The following MTMR6 variants were observed in gnomAD, a reference collection of about 807,000 sequenced individuals.
MTMR6 encodes the protein phosphatidylinositol-3,5-bisphosphate 3-phosphatase MTMR6.
A neutral mutation model predicts 80.1 loss-of-function variants in MTMR6; 47 were observed. The ratio of observed to expected loss-of-function variants is 0.59; its 90% CI spans 0.46 to 0.75. The LOEUF is 0.75. MTMR6 is among the 30% of genes least tolerant of loss of function. MTMR6 has a pLI of 0.00. For synonymous variants in MTMR6, 254 were observed against 253.0 expected (o/e 1.00, Z -0.04); for missense variants, 629 against 730.9 (o/e 0.86, Z 1.61).
chr13:25,274,243 T>C (rs1957654549), intron 1 of MTMR6, 56 bp from the exon 2 acceptor site: 3 of 1,242,734 alleles, frequency 2.4e-6, no homozygotes, highest in Non-Finnish European at 3.4e-6. Context: ...ATTATTTTTC[T>C]GTTAGCCCAG....
chr13:25,263,023 C>T (rs1475119223), intron 5 of MTMR6, among the ~76,000 whole-genome samples: 3 of 152,162 alleles, frequency 2.0e-5, no homozygotes, highest in African/African-American at 7.2e-5. Flanking sequence ...ACCCCTTTGC[C>T]TCTGCTCCTT....
intron 5 of MTMR6, among the ~76,000 whole-genome samples, chr13:25,264,287 G>A (rs2137561139): frequency 6.6e-6 from 1 of 151,770 alleles, no homozygotes; most frequent in South Asian, 2.1e-4. Flanking sequence ...AAAAATAAAG[G>A]AGAAAGTTTT....
intron 2 of MTMR6, among the ~76,000 whole-genome samples, chr13:25,271,495 T>C (rs1012960658): frequency 6.6e-6 from 1 of 152,174 alleles, no homozygotes; most frequent in African/African-American, 2.4e-5. Flanking sequence ...AATGAATGAA[T>C]TGCCACTTGC....
At chr13:25,283,683 C>G (rs1163052732) in intron 1 of MTMR6, among the ~76,000 whole-genome samples, 1 of 152,120 alleles carries the variant, frequency 6.6e-6, no homozygotes, top group Non-Finnish European at 1.5e-5. Flanking sequence ...AGCAATCAGC[C>G]TTTCATTTAT....
chr13:25,271,624 A>G (rs1015425932), intron 2 of MTMR6, among the ~76,000 whole-genome samples: 1 of 152,092 alleles, frequency 6.6e-6, no homozygotes, highest in Non-Finnish European at 1.5e-5. Flanking sequence ...CCATATTCTA[A>G]CCACCTTTCC....
intron 6 of MTMR6, among the ~76,000 whole-genome samples, chr13:25,259,510 A>G (rs1461697548): frequency 6.6e-6 from 1 of 152,242 alleles, no homozygotes; most frequent in Non-Finnish European, 1.5e-5. Flanking sequence ...TAACAAGTAC[A>G]GTTAAATTGT....
At chr13:25,275,927 G>C (rs1266326640) in intron 1 of MTMR6, among the ~76,000 whole-genome samples, 1 of 149,320 alleles carries the variant, frequency 6.7e-6, no homozygotes, top group Non-Finnish European at 1.5e-5. Flanking sequence ...GGAGGGGAGA[G>C]GAAGGCTTTC....
intron 9 of MTMR6, 111 bp downstream of exon 9, chr13:25,257,085 C>T (rs1957225506): frequency 6.9e-6 from 8 of 1,157,416 alleles, no homozygotes; most frequent in Non-Finnish European, 9.6e-6. Flanking sequence ...GGATGCCAGT[C>T]TCATCATTTC....
chr13:25,271,691 TTGG>T (rs1957579646), intron 2 of MTMR6, among the ~76,000 whole-genome samples: 1 of 152,228 alleles, frequency 6.6e-6, no homozygotes, highest in African/African-American at 2.4e-5. Flanking sequence ...TACCTACTTA[TTGG>T]TGATGTTATC....
chr13:25,257,235 A>T lies in MTMR6; in HGVS notation c.1056T>A (p.Leu352=). The change falls in exon 9 of 14, where the codon CTT becomes CTA. Residue 352 remains leucine (L), a synonymous_variant. Transcript: ENST00000381801. ...TTGTCCTGTAGTAGGAATCCAATAA[A>T]AGAGAACCCAGGGAACAAACCTGGG... The part of the protein sequence containing the change: ...RTSQVCSLGS[L]LLDSYYRTIK... 3.1e-6 allele frequency: 5 copies of T among 1,613,942 alleles called. No homozygotes were observed. Among genetic ancestry groups the T allele is most frequent in the Non-Finnish European group, 4.2e-6 (5 of 1,179,890 alleles).
intron 1 of MTMR6, among the ~76,000 whole-genome samples, chr13:25,284,148 G>A (rs887375560): frequency 3.3e-5 from 5 of 152,040 alleles, no homozygotes; most frequent in Admixed American, 3.3e-4. Flanking sequence ...AAGAGGTTTG[G>A]GGGGGAAGCT....
chr13:25,270,495 T>C (rs895694579), intron 2 of MTMR6, among the ~76,000 whole-genome samples: 1 of 152,170 alleles, frequency 6.6e-6, no homozygotes, highest in Non-Finnish European at 1.5e-5. Flanking sequence ...GCTGAGGGAA[T>C]AGCTATACGG....
chr13:25,258,525 G>T, intron 7 of MTMR6, 35 bp downstream of exon 7: 1 of 1,545,796 alleles, frequency 6.5e-7, no homozygotes. Flanking sequence ...ATTTCTTTTG[G>T]ACAAGGGTGT....
rs374109646 is a variant in MTMR6 at position 25,287,474 on chromosome 13, A to G, written c.-227T>C. On this transcript the variant is annotated 5_prime_UTR_variant, in exon 1 of 14. Transcript: ENST00000381801. Reference sequence around the variant, plus strand: ...GCCTCCCGGGGGACTCGGGGCAGGCAGACAGAGCGTGTGTGGACCGAGAGC... The same window carrying G: ...GCCTCCCGGGGGACTCGGGGCAGGCGGACAGAGCGTGTGTGGACCGAGAGC... The G allele has an allele frequency of 3.4e-6, 2 of 593,314 alleles. No individual in the cohort carries two copies. Among genetic ancestry groups the G allele is most frequent in the Admixed American group, 2.7e-5 (1 of 36,624 alleles). The allele number at this position is 593,314 out of a possible 1,614,324, so 36.8% of individuals were successfully genotyped here. A position where few individuals can be genotyped will look rare whatever the true frequency, so the allele number is the denominator to read the frequency against.
chr13:25,267,921 G>C lies in MTMR6; in HGVS notation c.162C>G (p.Ala54=), dbSNP rs1957493673. 1.2e-6 allele frequency: 2 copies of C among 1,609,926 alleles called. No individual in the cohort carries two copies. Among genetic ancestry groups the C allele is most frequent in the African/African-American group, 1.3e-5 (1 of 74,930 alleles). The change falls in exon 3 of 14, where the codon GCC becomes GCG. Residue 54 remains alanine (A), a synonymous_variant. Coordinates refer to ENST00000381801, the MANE Select transcript of MTMR6 (RefSeq NM_004685.5). ...TAGTCAAAGCAAGTTTCTCTACTGA[G>C]GCAATATGGTGGTGTAATATCTACA... ...KETWILHHHI[A]SVEKLALTTS... is the part of the protein sequence containing the mutation.
intron 3 of MTMR6, among the ~76,000 whole-genome samples, chr13:25,267,307 A>C (rs1957480552): frequency 6.6e-6 from 1 of 151,062 alleles, no homozygotes; most frequent in Non-Finnish European, 1.5e-5. Flanking sequence ...CCTTACTTCT[A>C]CTAAAATAGA....
At chr13:25,276,837 A>C (rs1566043373) in intron 1 of MTMR6, among the ~76,000 whole-genome samples, 2 of 152,324 alleles carry the variant, frequency 1.3e-5, no homozygotes, top group South Asian at 4.1e-4. Context: ...TGCTGTGATA[A>C]GTGCTTACCA....
chr13:25,272,844 A>C (rs1337227894), intron 2 of MTMR6, among the ~76,000 whole-genome samples: 1 of 152,130 alleles, frequency 6.6e-6, no homozygotes, highest in Non-Finnish European at 1.5e-5. Context: ...GCTAATGGGC[A>C]CCTAGGTTGA....
chr13:25,285,179 C>T (rs73464645), intron 1 of MTMR6, among the ~76,000 whole-genome samples: 3,416 of 152,118 alleles, frequency 0.022, 131 homozygotes, highest in African/African-American at 0.075. Flanking sequence ...TCACCAGTGA[C>T]AACTTTCAAA....
Sources: allele counts gnomAD v4.1 joint callset (sites outside exome capture counted in the v4.1 genomes callset), GRCh38; gene constraint gnomAD v4.1.1; transcripts MANE v1.5; gene names NCBI Gene and HGNC (gene_info 2026-07-23, HGNC 2026-07-21).